Variants in CCBE1 observed in about 807,000 individuals in gnomAD.
CCBE1 encodes the protein collagen and calcium binding EGF domains 1.
In CCBE1, 37 loss-of-function variants were observed where a neutral mutation model predicts 50.0. The ratio of observed to expected loss-of-function variants is 0.74; its 90% confidence interval spans 0.57 to 0.97. The LOEUF (loss-of-function observed/expected upper bound fraction) is 0.97, where lower values mean the gene tolerates loss of function less well. Ranked by LOEUF, CCBE1 falls within the 50% of genes least tolerant of loss-of-function variation. CCBE1 has a pLI of 0.00. For synonymous variants in CCBE1, 234 were observed against 203.7 expected (o/e 1.15, Z -1.27); for missense variants, 538 against 523.8 (o/e 1.03, Z -0.26).
At chr18:59,602,814 T>C (rs1038823160) in intron 2 of CCBE1, among the ~76,000 whole-genome samples, 1 of 152,188 alleles carries the variant, frequency 6.6e-6, no homozygotes, top group Non-Finnish European at 1.5e-5. Flanking sequence ...TCAAAGCTGC[T>C]ATGCGCTCTG....
At chr18:59,515,435 T>C (rs1291610664) in intron 2 of CCBE1, among the ~76,000 whole-genome samples, 2 of 152,196 alleles carry the variant, frequency 1.3e-5, no homozygotes, top group Non-Finnish European at 2.9e-5. Flanking sequence ...TGTCCATAAA[T>C]GGTATCATTT....
In CCBE1 at chr18:59,523,943, C is replaced by G. The variant is rs138509449; in HGVS notation, c.213-43705G>C. ...TTGATTTAAAGAAATCTTTCTGTGA[C>G]TATCTGAACTTCTCCACCCAGGAGC... is the stretch of plus-strand genomic sequence containing the variant. On this transcript the variant is annotated intron_variant, in intron 2 of 10. Coordinates refer to ENST00000439986, the MANE Select transcript of CCBE1 (RefSeq NM_133459.4). 4.5e-3 allele frequency among the ~76,000 whole-genome samples: 681 copies of G among 152,338 alleles called. 3 individuals carry two copies. The highest frequency in any genetic ancestry group is 0.015 in the African/African-American group (644 of 41,572).
In CCBE1 at chr18:59,497,066, C is replaced by T. The variant is rs768861852; in HGVS notation, c.213-16828G>A. Reference sequence around the variant, plus strand: ...GTTATTTTGAACATTAAATGAGATACGTAAAGTACCTAGTATAGCACCTAC... The same window carrying T: ...GTTATTTTGAACATTAAATGAGATATGTAAAGTACCTAGTATAGCACCTAC... On this transcript the variant is annotated intron_variant, in intron 2 of 10. Transcript: ENST00000439986. Among the ~76,000 whole-genome samples the T allele has an allele frequency of 7.9e-5, 12 of 152,156 alleles. 1 individual carries two copies. In the East Asian group the frequency reaches 1.5e-3, roughly 20 times the overall value.
chr18:59,693,456 T>C (rs903480593), intron 2 of CCBE1, among the ~76,000 whole-genome samples: 5 of 152,118 alleles, frequency 3.3e-5, no homozygotes, highest in African/African-American at 9.7e-5. Context: ...TTGAGACCAG[T>C]TGACAAAAAG....
intron 2 of CCBE1, among the ~76,000 whole-genome samples, chr18:59,655,901 ACAGAACAC>A (rs1282040685): frequency 6.6e-6 from 1 of 152,234 alleles, no homozygotes; most frequent in Non-Finnish European, 1.5e-5. Flanking sequence ...GGGAAAGCAG[ACAGAACAC>A]CACATTCCCT....
chr18:59,677,384 G>A (rs937727338), intron 2 of CCBE1, among the ~76,000 whole-genome samples: 4 of 152,044 alleles, frequency 2.6e-5, no homozygotes, highest in Non-Finnish European at 5.9e-5. Flanking sequence ...GGGGCTGGTC[G>A]GGGGTAGAAA....
chr18:59,486,766 C>A (rs655159), intron 2 of CCBE1, among the ~76,000 whole-genome samples: 53,929 of 151,894 alleles, frequency 0.36, 9,847 homozygotes, highest in East Asian at 0.55. Context: ...CCATCTTTCT[C>A]CCCAACCCCA....
At chr18:59,450,271 T>C (rs994054652) in intron 6 of CCBE1, among the ~76,000 whole-genome samples, 5 of 152,246 alleles carry the variant, frequency 3.3e-5, no homozygotes, top group Admixed American at 1.3e-4. Context: ...TATTTTTACT[T>C]GCTAAACATT....
chr18:59,509,962 A>G (rs941962001), intron 2 of CCBE1, among the ~76,000 whole-genome samples: 5 of 152,174 alleles, frequency 3.3e-5, no homozygotes, highest in Admixed American at 1.3e-4. Flanking sequence ...TTGTACAAGG[A>G]CACCAGGCTG....
At chr18:59,627,157 T>TGTC (rs1405917724) in intron 2 of CCBE1, among the ~76,000 whole-genome samples, 2 of 152,220 alleles carry the variant, frequency 1.3e-5, no homozygotes, top group Non-Finnish European at 2.9e-5. Context: ...ATACTGCAAA[T>TGTC]TCCAGTCACT....
At chr18:59,587,123 A>G (rs2053189563) in intron 2 of CCBE1, among the ~76,000 whole-genome samples, 1 of 152,266 alleles carries the variant, frequency 6.6e-6, no homozygotes, top group Non-Finnish European at 1.5e-5. Flanking sequence ...TGTGCACAGA[A>G]TATCTAACTC....
intron 5 of CCBE1, 69 bp downstream of exon 5, chr18:59,466,670 C>T (rs1911760354): frequency 9.5e-7 from 1 of 1,057,096 alleles, no homozygotes; most frequent in Non-Finnish European, 1.3e-6. Context: ...ATATAAACCC[C>T]CAAACTGGTT....
intron 6 of CCBE1, among the ~76,000 whole-genome samples, chr18:59,453,403 T>C (rs1452145137): frequency 6.6e-6 from 1 of 152,252 alleles, no homozygotes; most frequent in Non-Finnish European, 1.5e-5. Context: ...TCTGTGTTTA[T>C]AGTGATAGAC....
At position 59,464,353 on chromosome 18, in the gene CCBE1, G is replaced by A. The variant is rs558104107; in HGVS notation, c.553+2386C>T. 5.3e-5 allele frequency among the ~76,000 whole-genome samples: 8 copies of A among 152,230 alleles called. No homozygotes were observed. In the South Asian group the frequency reaches 8.3e-4, roughly 16 times the overall value. ...TGAGGCAGGAGAGCCCCTTGAACCC[G>A]GGAGGCTGAATTTGCAGTGAGCTGA... On this transcript the variant is annotated intron_variant, in intron 5 of 10. Transcript: ENST00000439986.
intron 2 of CCBE1, among the ~76,000 whole-genome samples, chr18:59,534,493 T>C (rs1013319): frequency 0.71 from 107,564 of 152,180 alleles, 38,328 homozygotes; most frequent in African/African-American, 0.79. Context: ...TTTGATCCTC[T>C]GTCTGAGAGG....
intron 2 of CCBE1, among the ~76,000 whole-genome samples, chr18:59,692,953 AAAGCACACACACAC>A (rs1568276439): frequency 1.1e-5 from 1 of 94,468 alleles, no homozygotes; most frequent in African/African-American, 4.6e-5. Context: ...TTGTCAAGCC[AAAGCACACACACAC>A]ACACACACAC....
At chr18:59,533,700 G>T (rs999005402) in intron 2 of CCBE1, among the ~76,000 whole-genome samples, 5 of 152,078 alleles carry the variant, frequency 3.3e-5, no homozygotes, top group African/African-American at 1.2e-4. Context: ...ACCTTCATGA[G>T]CACCCCAAAA....
chr18:59,439,741 G>A lies in CCBE1; in HGVS notation c.851C>T (p.Ser284Leu). The part of the protein sequence containing the change: ...GPPGQPGPRG[S>L]MGPMGPSPDL... ...AGGAGATGGTCCCATGGGTCCCATT[G>A]AGCCCCGTGGGCCGGGCTGCCCAGG... The change falls in exon 8 of 11, where the codon TCA (serine) becomes TTA (leucine). Residue 284 changes from serine to leucine, a missense_variant. Physicochemically the swap from Ser to Leu is moderately radical, Grantham distance 145. Transcript: ENST00000439986. 6.2e-7 allele frequency: 1 copy of A among 1,614,226 alleles called. No homozygotes were observed. The highest frequency in any genetic ancestry group is 8.5e-7 in the Non-Finnish European group (1 of 1,180,040).
At chr18:59,537,592 T>C (rs1410576148) in intron 2 of CCBE1, among the ~76,000 whole-genome samples, 1 of 152,218 alleles carries the variant, frequency 6.6e-6, no homozygotes, top group African/African-American at 2.4e-5. Context: ...TGTGAGTTCA[T>C]TAAAACTCTT....
Sources: allele counts gnomAD v4.1 joint callset (sites outside exome capture counted in the v4.1 genomes callset), GRCh38; gene constraint gnomAD v4.1.1; transcripts MANE v1.5; gene names NCBI Gene and HGNC (gene_info 2026-07-23, HGNC 2026-07-21).